ATP10B: variants seen among roughly 807,000 people sequenced by gnomAD.
The protein encoded by ATP10B is ATPase phospholipid transporting 10B (putative), also known as phospholipid-transporting ATPase VB.
ATP10B carries 122 observed loss-of-function variants against 141.2 expected under a neutral mutation model. That is an observed-to-expected ratio of 0.86 (90% CI 0.75 to 1.00). The LOEUF (loss-of-function observed/expected upper bound fraction) is 1.00, where lower values mean the gene tolerates loss of function less well. Ranked by LOEUF, ATP10B falls within the 50% of genes least tolerant of loss-of-function variation. The pLI is 0.00. For missense variants in ATP10B, 1,876 were observed against 1,825.3 expected, an observed-to-expected ratio of 1.03 and a Z score of -0.51; for synonymous variants, 685 against 692.0, an observed-to-expected ratio of 0.99 and a Z score of 0.16.
the ATP10B span, among the ~76,000 whole-genome samples, chr5:160,899,512 A>T: frequency 6.6e-6 from 1 of 152,092 alleles, no homozygotes; most frequent in Non-Finnish European, 1.5e-5. Flanking sequence ...TACAAATTGT[A>T]TGTTTTTAAT....
intron 1 of ATP10B, among the ~76,000 whole-genome samples, chr5:160,822,509 G>T (rs1397071285): frequency 6.6e-6 from 1 of 151,854 alleles, no homozygotes; most frequent in Non-Finnish European, 1.5e-5. Flanking sequence ...CTTTTTCATA[G>T]GTATATACCC....
chr5:160,583,800 G>C (rs995558688), intron 24 of ATP10B, among the ~76,000 whole-genome samples: 1 of 152,300 alleles, frequency 6.6e-6, no homozygotes, highest in South Asian at 2.1e-4. Context: ...TGTCCAGTTC[G>C]AATTTCCTGG....
intron 19 of ATP10B, among the ~76,000 whole-genome samples, chr5:160,604,514 A>G (rs1757271937): frequency 6.6e-6 from 1 of 152,218 alleles, no homozygotes; most frequent in African/African-American, 2.4e-5. Context: ...GAAATACCAT[A>G]TCAAGACAAC....
At chr5:160,656,003 C>A (rs947391282) in intron 7 of ATP10B, among the ~76,000 whole-genome samples, 3 of 152,158 alleles carry the variant, frequency 2.0e-5, no homozygotes, top group African/African-American at 7.2e-5. Context: ...TCACCTGTGT[C>A]CCAGGTACAG....
At chr5:160,646,487 A>G (rs1422389207) in intron 8 of ATP10B, among the ~76,000 whole-genome samples, 2 of 152,208 alleles carry the variant, frequency 1.3e-5, no homozygotes, top group African/African-American at 4.8e-5. Context: ...TCCTTTTCAA[A>G]TAAATTTTGG....
intron 1 of ATP10B, among the ~76,000 whole-genome samples, chr5:160,849,536 T>C (rs1753665146): frequency 6.6e-6 from 1 of 152,012 alleles, no homozygotes; most frequent in Non-Finnish European, 1.5e-5. Flanking sequence ...CCATTAATAT[T>C]CTTTCTCATC....
intron 7 of ATP10B, among the ~76,000 whole-genome samples, chr5:160,652,011 C>T (rs1196518134): frequency 6.6e-6 from 1 of 152,132 alleles, no homozygotes; most frequent in Non-Finnish European, 1.5e-5. Context: ...GGTCTGAGCA[C>T]TAATGATCCT....
intron 2 of ATP10B, among the ~76,000 whole-genome samples, chr5:160,783,998 C>T (rs1770950457): frequency 6.6e-6 from 1 of 152,038 alleles, no homozygotes; most frequent in Admixed American, 6.6e-5. Flanking sequence ...CATCAGGGAA[C>T]TGAAATTGAG....
At chr5:160,590,691 G>A (rs1046088537) in intron 23 of ATP10B, among the ~76,000 whole-genome samples, 3 of 152,170 alleles carry the variant, frequency 2.0e-5, no homozygotes, top group Non-Finnish European at 2.9e-5. Flanking sequence ...CAGTGTTCAA[G>A]TAGGAAACAG....
intron 1 of ATP10B, among the ~76,000 whole-genome samples, chr5:160,812,855 C>G (rs1773271901): frequency 6.6e-6 from 1 of 151,664 alleles, no homozygotes; most frequent in Admixed American, 6.6e-5. Context: ...AAAGGGCTAA[C>G]AGAACTTCCC....
At chr5:160,687,704 G>T in intron 5 of ATP10B, 96 bp downstream of exon 5, 1 of 1,356,994 alleles carries the variant, frequency 7.4e-7, no homozygotes, top group Non-Finnish European at 1.0e-6. Context: ...GGTGAAGGTT[G>T]CAGTGAGCCG....
chr5:160,815,251 G>T (rs1773519441), intron 1 of ATP10B, among the ~76,000 whole-genome samples: 4 of 152,140 alleles, frequency 2.6e-5, no homozygotes, highest in Non-Finnish European at 5.9e-5. Context: ...CATCTCATGT[G>T]CAGAGACACA....
At chr5:160,833,211 G>A (rs1775209602) in intron 1 of ATP10B, among the ~76,000 whole-genome samples, 1 of 152,192 alleles carries the variant, frequency 6.6e-6, no homozygotes, top group South Asian at 2.1e-4. Context: ...TGCTATAAGA[G>A]GAGAGAGCAA....
chr5:160,655,842 G>A (rs1183455429), intron 7 of ATP10B, among the ~76,000 whole-genome samples: 1 of 152,136 alleles, frequency 6.6e-6, no homozygotes, highest in African/African-American at 2.4e-5. Flanking sequence ...GGAAGAAAGG[G>A]GTGATTAACA....
the ATP10B span, among the ~76,000 whole-genome samples, chr5:160,862,739 C>T: frequency 1.3e-5 from 2 of 151,934 alleles, no homozygotes; most frequent in Non-Finnish European, 2.9e-5. Context: ...CTATTTCAAT[C>T]CTTTATCAAT....
chr5:160,923,938 C>T, the ATP10B span, among the ~76,000 whole-genome samples: 1 of 152,292 alleles, frequency 6.6e-6, no homozygotes, highest in Non-Finnish European at 1.5e-5. Flanking sequence ...GGGGCTGAGG[C>T]GCCTTGGAGA....
intron 1 of ATP10B, among the ~76,000 whole-genome samples, chr5:160,789,260 G>A (rs548628172): frequency 6.6e-6 from 1 of 152,088 alleles, no homozygotes; most frequent in Non-Finnish European, 1.5e-5. Context: ...TAACAAATTT[G>A]AGTACAGCCA....
chr5:160,913,373 C>T, the ATP10B span, among the ~76,000 whole-genome samples: 3 of 152,086 alleles, frequency 2.0e-5, no homozygotes, highest in Non-Finnish European at 4.4e-5. Context: ...ATTTCCTTCC[C>T]TCCTTCAGCA....
chr5:160,771,357 C>A (rs182215738), intron 2 of ATP10B, among the ~76,000 whole-genome samples: 1 of 152,290 alleles, frequency 6.6e-6, no homozygotes, highest in Non-Finnish European at 1.5e-5. Context: ...GCATCTTTAA[C>A]TTCCATTTCT....
Sources: allele counts gnomAD v4.1 joint callset (sites outside exome capture counted in the v4.1 genomes callset), GRCh38; gene constraint gnomAD v4.1.1; transcripts MANE v1.5; gene names NCBI Gene and HGNC (gene_info 2026-07-23, HGNC 2026-07-21).